Variants in ZNF605 observed in about 807,000 individuals in gnomAD.
The protein encoded by ZNF605 is zinc finger protein 605.
Under a neutral mutation model 7.9 loss-of-function variants are expected in ZNF605, and 9 were observed. The ratio of observed to expected loss-of-function variants is 1.14; its 90% confidence interval spans 0.68 to 1.98. ZNF605 has a LOEUF of 1.98. Among genes scored for constraint, ZNF605 ranks in the 30% most tolerant of loss-of-function variants. The pLI, the probability that ZNF605 is intolerant of heterozygous loss-of-function variation, is 0.00. For synonymous variants in ZNF605, 255 were observed against 260.1 expected (o/e 0.98, Z 0.19); for missense variants, 673 against 762.4 (o/e 0.88, Z 1.38).
intron 1 of ZNF605, among the ~76,000 whole-genome samples, chr12:132,955,877 C>T (rs1952631496): frequency 6.6e-6 from 1 of 152,112 alleles, no homozygotes; most frequent in South Asian, 2.1e-4. Flanking sequence ...CGTCCCCTTG[C>T]CCCGCCCGTG....
In ZNF605 at chr12:132,920,284, C is replaced by T. The variant is rs1344954105; in HGVS notation, c.*5089G>A. On this transcript the variant is annotated 3_prime_UTR_variant, in exon 5 of 5. Coordinates refer to ENST00000360187, the MANE Select transcript of ZNF605 (RefSeq NM_183238.4). The stretch of plus-strand genomic sequence containing the variant: ...CCTCCTGAGTAGCTGGGACTACAGG[C>T]GCTGGCCACCTCACCTGGCTAATTT... 5.9e-5 allele frequency: 9 copies of T among 152,510 alleles called. No individual in the cohort carries two copies. Among genetic ancestry groups the T allele is most frequent in the Non-Finnish European group, 7.3e-5 (5 of 68,284 alleles). The allele number at this position is 152,510 out of a possible 1,614,324, so 9.4% of individuals were successfully genotyped here.
At chr12:132,935,230 A>T (rs1952352483) in intron 3 of ZNF605, among the ~76,000 whole-genome samples, 1 of 152,192 alleles carries the variant, frequency 6.6e-6, no homozygotes, top group Non-Finnish European at 1.5e-5. Context: ...ATAGGGGACT[A>T]ATAGGTTATT....
intron 2 of ZNF605, among the ~76,000 whole-genome samples, chr12:132,946,157 G>A (rs910234045): frequency 3.9e-5 from 6 of 152,198 alleles, no homozygotes; most frequent in Non-Finnish European, 1.5e-5. Flanking sequence ...AATGCCATGA[G>A]GACTTATCCA....
In ZNF605 at chr12:132,926,298, T is replaced by G. The variant is rs1393361602; in HGVS notation, c.1001A>C (p.Lys334Thr). 3.1e-6 allele frequency: 5 copies of G among 1,614,166 alleles called. No homozygotes were observed. The highest frequency in any genetic ancestry group is 1.3e-5 in the African/African-American group (1 of 75,022). Residue 334 changes from lysine (K) to threonine (T), a missense_variant, in exon 5 of 5, where the codon AAG (lysine) becomes ACG (threonine). Transcript: ENST00000360187. ...ACACTCACCACATCCGTAAGGTTTC[T>G]TCCCTGTGTGGGTCCTCTGATGAGT... is the stretch of plus-strand genomic sequence containing the variant. ...LITHQRTHTG[K>T]KPYGCGECQK...
rs1234680791 is a variant in ZNF605, at chr12:132,933,201, G to A, written c.16-46C>T. The A allele has an allele frequency of 1.3e-6, 2 of 1,565,170 alleles. No homozygotes were observed. Among genetic ancestry groups the A allele is most frequent in the East Asian group, 4.5e-5 (2 of 44,192 alleles). ...TTAAACCTGAAGTGGTTCTCATTTG[G>A]TCTTGTAAAATACTTTCTTCTGTAT... On this transcript the variant is annotated intron_variant, in intron 3 of 4. Transcript: ENST00000360187. The surrounding 1 kb of genome is among the most constrained non-coding windows in gnomAD (Gnocchi z 4.4).
At chr12:132,955,021 A>C (rs1335304355) in intron 1 of ZNF605, among the ~76,000 whole-genome samples, 2 of 152,176 alleles carry the variant, frequency 1.3e-5, no homozygotes, top group Non-Finnish European at 2.9e-5. Flanking sequence ...TTGAAAGAGC[A>C]ACCACTGTTA....
In ZNF605 at chr12:132,949,310, C is replaced by G. The variant is rs891889908; in HGVS notation, c.-285-1040G>C. On this transcript the variant is annotated intron_variant, in intron 1 of 4. Coordinates refer to ENST00000360187, the MANE Select transcript of ZNF605 (RefSeq NM_183238.4). ...GAGCACAAAGGAGATTCATTTAAAC[C>G]ACCAGTGCTATAGATTACACGTATG... Among the ~76,000 whole-genome samples the G allele has an allele frequency of 2.6e-5, 4 of 152,182 alleles. No individual in the cohort carries two copies. The East Asian group carries it at 7.7e-4, about 29-fold the overall frequency.
intron 1 of ZNF605, among the ~76,000 whole-genome samples, chr12:132,955,199 CA>C (rs1487889622): frequency 1.3e-5 from 2 of 151,926 alleles, no homozygotes; most frequent in African/African-American, 4.8e-5. Context: ...CTCTGCAAGG[CA>C]AAAAGGGTTT....
chr12:132,930,903 C>T (rs1952302009), intron 4 of ZNF605, among the ~76,000 whole-genome samples: 1 of 152,196 alleles, frequency 6.6e-6, no homozygotes, highest in African/African-American at 2.4e-5. Context: ...AGTTTCCCTG[C>T]TGTGCATTAT....
chr12:132,940,219 C>G (rs1427415482), intron 3 of ZNF605, among the ~76,000 whole-genome samples: 1 of 152,088 alleles, frequency 6.6e-6, no homozygotes, highest in Non-Finnish European at 1.5e-5. Context: ...ATAGTGGCGG[C>G]CAGGGATAAG....
chr12:132,929,044 C>CAA (rs140441684), intron 4 of ZNF605, among the ~76,000 whole-genome samples: 55,250 of 151,044 alleles, frequency 0.37, 10,372 homozygotes, highest in South Asian at 0.4. Flanking sequence ...CAAAACAAAA[C>CAA]AAAAAAACCC....
chr12:132,946,343 A>G (rs7306551), intron 2 of ZNF605, among the ~76,000 whole-genome samples: 41,231 of 152,136 alleles, frequency 0.27, 6,204 homozygotes, highest in African/African-American at 0.41. Flanking sequence ...ATGTAAGAGT[A>G]AAAAAAGAAA....
intron 1 of ZNF605, among the ~76,000 whole-genome samples, chr12:132,952,239 C>T (rs1414147434): frequency 6.6e-6 from 1 of 151,902 alleles, no homozygotes; most frequent in East Asian, 1.9e-4. Flanking sequence ...GTAGGCAGAT[C>T]ACTTGAGGTC....
At chr12:132,927,598 T>G (rs1477853156) in intron 4 of ZNF605, among the ~76,000 whole-genome samples, 1 of 151,836 alleles carries the variant, frequency 6.6e-6, no homozygotes, top group East Asian at 1.9e-4. Context: ...TCTCTTGACC[T>G]CGTGATCCAC....
In ZNF605 at chr12:132,941,919, C is replaced by T. The variant is rs376126476; in HGVS notation, c.15+3702G>A. Reference sequence around the variant, plus strand: ...CAGACACCTCAGACTCCACGGGGCACGGTGCAAGGCCCTTTCATCCCCTTT... The same window carrying T: ...CAGACACCTCAGACTCCACGGGGCATGGTGCAAGGCCCTTTCATCCCCTTT... On this transcript the variant is annotated intron_variant, in intron 3 of 4. Transcript: ENST00000360187. The surrounding 1 kb of genome is among the most constrained non-coding windows in gnomAD (Gnocchi z 5.1). Among the ~76,000 whole-genome samples the T allele has an allele frequency of 2.8e-4, 42 of 152,360 alleles. No homozygotes were observed. The highest frequency in any genetic ancestry group is 2.7e-3 in the East Asian group (14 of 5,182).
chr12:132,927,746 TC>T (rs1952262535), intron 4 of ZNF605, among the ~76,000 whole-genome samples: 1 of 151,574 alleles, frequency 6.6e-6, no homozygotes, highest in East Asian at 1.9e-4. Context: ...AACCTCCACC[TC>T]CCGGGTTCAA....
intron 1 of ZNF605, among the ~76,000 whole-genome samples, chr12:132,949,098 C>G (rs1451065825): frequency 2.2e-5 from 1 of 45,436 alleles, no homozygotes; most frequent in Non-Finnish European, 6.1e-5. Flanking sequence ...CCACAAGAGG[C>G]CTCTGAGGAG....
At chr12:132,942,582 G>C (rs899597638) in intron 3 of ZNF605, among the ~76,000 whole-genome samples, 3 of 152,228 alleles carry the variant, frequency 2.0e-5, no homozygotes, top group African/African-American at 7.2e-5. Context: ...AGCCACCTTG[G>C]ATCCCTGTTA....
chr12:132,927,608 C>T (rs1952260054), intron 4 of ZNF605, among the ~76,000 whole-genome samples: 1 of 151,888 alleles, frequency 6.6e-6, no homozygotes, highest in African/African-American at 2.4e-5. Flanking sequence ...TCGTGATCCA[C>T]CCGCCTCAGC....
Sources: gnomAD v4.1 joint callset for allele counts (sites outside exome capture counted in the v4.1 genomes callset) on GRCh38, gnomAD v4.1.1 for gene constraint, Gnocchi (gnomAD v3.1) non-coding constraint, MANE v1.5 for transcripts, NCBI Gene and HGNC (gene_info 2026-07-23, HGNC 2026-07-21) for gene names.